Variants in MYO16 observed in about 807,000 individuals in gnomAD.
The protein encoded by MYO16 is myosin XVI.
In MYO16, 94 loss-of-function variants were observed where a neutral mutation model predicts 205.3. The observed-to-expected ratio is 0.46, with a 90% CI of 0.39 to 0.54. MYO16 has a LOEUF of 0.54. Ranked by LOEUF, MYO16 falls within the 20% of genes least tolerant of loss-of-function variation. The pLI is 0.00. For synonymous variants in MYO16, 988 were observed against 954.0 expected (o/e 1.04, Z -0.66); for missense variants, 2,315 against 2,387.5 (o/e 0.97, Z 0.63).
At chr13:108,792,058 T>C (rs1886632994) in intron 5 of MYO16, among the ~76,000 whole-genome samples, 1 of 152,192 alleles carries the variant, frequency 6.6e-6, no homozygotes, top group Non-Finnish European at 1.5e-5. Context: ...TTAATTCTCC[T>C]TAGTAAATAC....
At chr13:108,522,218 C>T in the MYO16 span, among the ~76,000 whole-genome samples, 50,269 of 152,028 alleles carry the variant, frequency 0.33, 10,208 homozygotes, top group African/African-American at 0.57. Flanking sequence ...CCAAATTCTT[C>T]CCTGTTCAGA....
At chr13:108,893,850 A>G (rs1257612611) in intron 14 of MYO16, among the ~76,000 whole-genome samples, 2 of 152,148 alleles carry the variant, frequency 1.3e-5, no homozygotes, top group African/African-American at 2.4e-5. Flanking sequence ...TCCTAGGAAA[A>G]TACTCATTGG....
At chr13:108,917,728 A>G (rs1015816584) in intron 16 of MYO16, among the ~76,000 whole-genome samples, 1 of 152,230 alleles carries the variant, frequency 6.6e-6, no homozygotes. Context: ...TTTTGGCCAG[A>G]GGCCCTATAT....
rs1298383160 is a variant in MYO16, at chr13:109,134,753, C to T, written c.4052-5511C>T. On this transcript the variant is annotated intron_variant, in intron 31 of 34. Transcript: ENST00000457511. ...CCAGTTTTGGGAGGTGAGCAAACTCCCTTCTGCCACGTTCCTTCCATCACC... is the reference window on the plus strand; with the variant it reads ...CCAGTTTTGGGAGGTGAGCAAACTCTCTTCTGCCACGTTCCTTCCATCACC... 3.3e-5 allele frequency among the ~76,000 whole-genome samples: 5 copies of T among 152,234 alleles called. No homozygotes were observed. In the East Asian group the frequency reaches 9.7e-4, roughly 29 times the overall value.
At chr13:109,006,558 A>C (rs147462740) in intron 21 of MYO16, among the ~76,000 whole-genome samples, 10 of 152,258 alleles carry the variant, frequency 6.6e-5, no homozygotes, top group Admixed American at 2.0e-4. Flanking sequence ...GTTATTTTTT[A>C]ACAAAAGCTT....
intron 15 of MYO16, among the ~76,000 whole-genome samples, chr13:108,905,004 AT>A (rs1317618165): frequency 9.2e-5 from 14 of 152,130 alleles, no homozygotes; most frequent in Non-Finnish European, 1.9e-4. Flanking sequence ...TAATCACTTT[AT>A]TTTTTTCGAT....
At position 108,976,439 on chromosome 13, in the gene MYO16, G is replaced by A. The variant is rs138739857; in HGVS notation, c.2369+11537G>A. On this transcript the variant is annotated intron_variant, in intron 20 of 34. Transcript: ENST00000457511. ...TAAATGAATCTGATTAAAACCAAAC[G>A]TTTTTTATGTATGTTTCCACTTTCC... 2.8e-3 allele frequency among the ~76,000 whole-genome samples: 423 copies of A among 152,144 alleles called. 1 individual carries two copies. Among genetic ancestry groups the A allele is most frequent in the African/African-American group, 9.5e-3 (395 of 41,540 alleles).
At chr13:109,199,191 GGTATATA>G (rs1880288403) in intron 34 of MYO16, among the ~76,000 whole-genome samples, 1 of 51,896 alleles carries the variant, frequency 1.9e-5, no homozygotes, top group African/African-American at 7.8e-5. Context: ...TAATAAAAAA[GGTATATA>G]TATATATATA....
intron 16 of MYO16, among the ~76,000 whole-genome samples, chr13:108,952,149 AT>A (rs1883179625): frequency 6.6e-6 from 1 of 151,720 alleles, no homozygotes; most frequent in African/African-American, 2.4e-5. Context: ...AAATAAATAA[AT>A]AAATAAATAA....
chr13:108,659,529 T>C lies in MYO16; in HGVS notation c.29-6357T>C, dbSNP rs559300137. The C allele has an allele frequency of 5.4e-4, 100 of 185,398 alleles. No homozygotes were observed. The South Asian group carries it at 9.3e-3, about 17-fold the overall frequency. The allele number at this position is 185,398 out of a possible 1,614,324, so 11.5% of individuals were successfully genotyped here. A position where few individuals can be genotyped will look rare whatever the true frequency, so the allele number is the denominator to read the frequency against. On this transcript the variant is annotated intron_variant, in intron 1 of 34. Transcript: ENST00000457511. ...CACCTCCCTTGCCCCCCTAAAAAAG[T>C]GTAACACTGGAGATAAGAAATCCAT...
At chr13:108,671,535 A>G (rs929108310) in intron 2 of MYO16, among the ~76,000 whole-genome samples, 2 of 152,226 alleles carry the variant, frequency 1.3e-5, no homozygotes, top group Admixed American at 6.5e-5. Flanking sequence ...GCATCAAATG[A>G]TGAAGAAATA....
Position 109,140,284 on chromosome 13 carries a change from C to G in MYO16, c.4072C>G (p.His1358Asp). Residue 1358 changes from histidine to aspartate, a missense_variant, in exon 32 of 35, where the codon CAC becomes GAC. Around this residue, in one of 3 missense-constraint regions of MYO16, gnomAD observed 1,097 missense variants for 1,092.0 expected, o/e 1.00. Coordinates refer to ENST00000457511, the MANE Select transcript of MYO16 (RefSeq NM_001198950.3). The surrounding 1 kb of genome is among the most constrained non-coding windows in gnomAD (Gnocchi z 8.0). Reference protein sequence around the residue: ...ANEALARPRPHSDDYSTMKKI... With the variant: ...ANEALARPRPDSDDYSTMKKI... Reference sequence around the variant, plus strand: ...CGCAGCTCTGGCCCGGCCCAGACCGCACAGCGACGACTACAGCACCATGAA... The same window carrying G: ...CGCAGCTCTGGCCCGGCCCAGACCGGACAGCGACGACTACAGCACCATGAA... 1 of 1,600,500 alleles carries G rather than the reference C, an allele frequency of 6.2e-7. No homozygotes were observed. The highest frequency in any genetic ancestry group is 1.1e-5 in the South Asian group (1 of 91,064).
intron 2 of MYO16, among the ~76,000 whole-genome samples, chr13:108,679,104 G>A (rs1882350414): frequency 6.6e-6 from 1 of 152,084 alleles, no homozygotes; most frequent in Non-Finnish European, 1.5e-5. Flanking sequence ...CATCACATTG[G>A]GAATTGGGCT....
At chr13:109,122,648 T>C (rs1876045690) in intron 29 of MYO16, among the ~76,000 whole-genome samples, 2 of 150,462 alleles carry the variant, frequency 1.3e-5, no homozygotes, top group African/African-American at 2.5e-5. Flanking sequence ...GATCATGCCA[T>C]TGCACTCCAG....
intron 28 of MYO16, among the ~76,000 whole-genome samples, chr13:109,111,811 C>G (rs1048597184): frequency 6.6e-6 from 1 of 151,996 alleles, no homozygotes; most frequent in Non-Finnish European, 1.5e-5. Flanking sequence ...CTCAGCCTCC[C>G]AAGTAGCTGG....
chr13:108,982,597 G>T (rs75996495), intron 20 of MYO16, among the ~76,000 whole-genome samples: 362 of 152,198 alleles, frequency 2.4e-3, no homozygotes, highest in African/African-American at 8.5e-3. Flanking sequence ...TTTTAATTGG[G>T]TTTTAATTTT....
intron 9 of MYO16, among the ~76,000 whole-genome samples, chr13:108,834,638 ACTCTCTCTCTCT>A (rs67472762): frequency 6.4e-4 from 58 of 90,344 alleles, no homozygotes; most frequent in Admixed American, 2.8e-3. Flanking sequence ...TCAGTCTTGT[ACTCTCTCTCTCT>A]CTCTCTCTCT....
intron 27 of MYO16, among the ~76,000 whole-genome samples, chr13:109,063,055 C>G (rs1481350038): frequency 6.6e-6 from 1 of 152,146 alleles, no homozygotes; most frequent in Admixed American, 6.5e-5. Flanking sequence ...GGGAAGTAAG[C>G]AACCACTGCT....
chr13:109,115,972 AAC>A (rs1259088501), intron 28 of MYO16, among the ~76,000 whole-genome samples: 3 of 152,072 alleles, frequency 2.0e-5, no homozygotes, highest in Admixed American at 1.3e-4. Flanking sequence ...CAAAAAAACA[AAC>A]AAACAAACAA....
Sources: allele counts gnomAD v4.1 joint callset (sites outside exome capture counted in the v4.1 genomes callset), GRCh38; gene constraint gnomAD v4.1.1; regional missense constraint gnomAD v4.1.1; non-coding constraint Gnocchi (gnomAD v3.1); transcripts MANE v1.5; gene names NCBI Gene and HGNC (gene_info 2026-07-23, HGNC 2026-07-21).